Variants in KCNC2 observed in about 807,000 individuals in gnomAD.
KCNC2 encodes the protein potassium voltage-gated channel subfamily C member 2, also known as voltage-gated potassium channel KCNC2.
KCNC2 carries 21 observed loss-of-function variants against 44.5 expected under a neutral mutation model. The ratio of observed to expected loss-of-function variants is 0.47; its 90% CI spans 0.33 to 0.68. The LOEUF is 0.68. KCNC2 is among the 30% of genes least tolerant of loss of function. KCNC2 has a pLI of 0.01. For missense variants in KCNC2, 589 were observed against 826.2 expected, an observed-to-expected ratio of 0.71 and a Z score of 3.52; for synonymous variants, 391 against 339.1, an observed-to-expected ratio of 1.15 and a Z score of -1.68.
rs148308370 is a variant in KCNC2 at position 75,161,472 on chromosome 12, C to T, written c.687+45825G>A. Among the ~76,000 whole-genome samples, 21 of 151,820 alleles carry T rather than the reference C, an allele frequency of 1.4e-4. No individual in the cohort carries two copies. The East Asian group carries it at 3.3e-3, about 24-fold the overall frequency. ...TTTTAAATGAGGAATTCACTTTACC[C>T]AGCACCAGGGGCTTTTACAAAATAA... On this transcript the variant is annotated intron_variant, in intron 2 of 4. Transcript: ENST00000549446.
At chr12:75,101,788 G>A (rs1043710353) in intron 2 of KCNC2, among the ~76,000 whole-genome samples, 1 of 151,952 alleles carries the variant, frequency 6.6e-6, no homozygotes, top group Non-Finnish European at 1.5e-5. Context: ...GAACAGAAAA[G>A]GAAAACAAAA....
At chr12:75,141,949 C>A (rs1183778169) in intron 2 of KCNC2, among the ~76,000 whole-genome samples, 1 of 152,100 alleles carries the variant, frequency 6.6e-6, no homozygotes, top group Non-Finnish European at 1.5e-5. Context: ...CCTTAGTATT[C>A]ACTCATTCTG....
chr12:75,086,562 C>T (rs1592840094), intron 2 of KCNC2, among the ~76,000 whole-genome samples: 5 of 150,892 alleles, frequency 3.3e-5, no homozygotes, highest in South Asian at 2.1e-4. Context: ...GTAGTAGACA[C>T]GCTCCATGAG....
Position 75,131,123 on chromosome 12 carries a change from C to A in KCNC2, c.687+76174G>T, listed in dbSNP as rs138820566. Among the ~76,000 whole-genome samples the A allele has an allele frequency of 5.3e-5, 8 of 152,176 alleles. No individual in the cohort carries two copies. The East Asian group carries it at 1.5e-3, about 29-fold the overall frequency. On this transcript the variant is annotated intron_variant, in intron 2 of 4. Coordinates refer to ENST00000549446, the MANE Select transcript of KCNC2 (RefSeq NM_139137.4). ...AAATTTTCACATACATGCTGTAACA[C>A]GTCAGCGAAAATGCCTTAACTAATT...
At position 75,050,634 on chromosome 12, in the gene KCNC2, A is replaced by G. The variant is rs1047163033; in HGVS notation, c.1371T>C (p.Cys457=). 2 of 1,613,354 alleles carry G rather than the reference A, an allele frequency of 1.2e-6. No homozygotes were observed. The highest frequency in any genetic ancestry group is 1.7e-6 in the Non-Finnish European group (2 of 1,179,766). ...TWSGMLVGAL[C]ALAGVLTIAM... ...CTATTGTCAGCACTCCAGCCAGAGC[A>G]CACAGGGCTCCCACCAGCATGCCTG... is the stretch of plus-strand genomic sequence containing the variant. Residue 457 remains cysteine (C), a synonymous_variant, in exon 3 of 5, where the codon TGT becomes TGC. Transcript: ENST00000549446.
intron 2 of KCNC2, among the ~76,000 whole-genome samples, chr12:75,184,492 T>C (rs1384468372): frequency 6.6e-6 from 1 of 152,192 alleles, no homozygotes; most frequent in African/African-American, 2.4e-5. Flanking sequence ...TTGATTTATA[T>C]ATTTTTTTCA....
At chr12:75,050,067 C>T (rs1014463577) in intron 3 of KCNC2, among the ~76,000 whole-genome samples, 1 of 151,982 alleles carries the variant, frequency 6.6e-6, no homozygotes, top group African/African-American at 2.4e-5. Flanking sequence ...CAATATCATA[C>T]CATCACATCG....
rs553277499 is a variant in KCNC2 at position 75,072,177 on chromosome 12, G to A, written c.688-20860C>T. On this transcript the variant is annotated intron_variant, in intron 2 of 4. Coordinates refer to ENST00000549446, the MANE Select transcript of KCNC2 (RefSeq NM_139137.4). ...TCTCTTTGTCTTTCTGATGCTGCCT[G>A]TGTTGCCTGCCATTGTAGCTGTTCA... Among the ~76,000 whole-genome samples, 4 of 152,280 alleles carry A rather than the reference G, an allele frequency of 2.6e-5. No homozygotes were observed. The East Asian group carries it at 7.7e-4, about 29-fold the overall frequency.
Position 75,048,442 on chromosome 12 carries a change from A to G in KCNC2, c.1616-125T>C, listed in dbSNP as rs1171834480. The G allele has an allele frequency of 9.3e-6, 6 of 646,900 alleles. No individual in the cohort carries two copies. The South Asian group carries it at 1.5e-4, about 16-fold the overall frequency. The allele number at this position is 646,900 out of a possible 1,614,324, so 40.1% of individuals were successfully genotyped here. On this transcript the variant is annotated intron_variant, in intron 3 of 4. Transcript: ENST00000549446. ...TACAACACACAAGAATCACATCACA[A>G]TAAGAAAAAGAATTTTTATCACTCT...
At chr12:75,065,182 T>C (rs938423934) in intron 2 of KCNC2, among the ~76,000 whole-genome samples, 2 of 152,064 alleles carry the variant, frequency 1.3e-5, no homozygotes, top group Non-Finnish European at 2.9e-5. Flanking sequence ...AAATTAAATA[T>C]GATTATCAGT....
At position 75,207,948 on chromosome 12, in the gene KCNC2, G is replaced by A. The variant is rs2031844362; in HGVS notation, c.36C>T (p.Leu12=). The A allele has an allele frequency of 1.9e-6, 3 of 1,612,672 alleles. No homozygotes were observed. Among genetic ancestry groups the A allele is most frequent in the African/African-American group, 1.3e-5 (1 of 74,896 alleles). The part of the protein sequence containing the change: ...GKIENNERVI[L]NVGGTRHETY... ...TTTCGTGCCGGGTGCCCCCGACATTGAGGATCACCCTCTCGTTGTTCTCGA... is the reference window on the plus strand; with the variant it reads ...TTTCGTGCCGGGTGCCCCCGACATTAAGGATCACCCTCTCGTTGTTCTCGA... The change falls in exon 2 of 5, where the codon CTC becomes CTT. Residue 12 remains leucine, a synonymous_variant. Coordinates refer to ENST00000549446, the MANE Select transcript of KCNC2 (RefSeq NM_139137.4). This position sits in a 1 kb window ranked among gnomAD's most constrained non-coding sequence, Gnocchi z 4.1.
chr12:75,184,810 T>C (rs2137668336), intron 2 of KCNC2, among the ~76,000 whole-genome samples: 1 of 152,326 alleles, frequency 6.6e-6, no homozygotes, highest in South Asian at 2.1e-4. Context: ...ACTTATGTAC[T>C]TAAGTGCCTG....
chr12:75,104,546 T>C (rs1249054624), intron 2 of KCNC2, among the ~76,000 whole-genome samples: 3 of 152,054 alleles, frequency 2.0e-5, no homozygotes, highest in African/African-American at 7.2e-5. Flanking sequence ...ATGAGTATAT[T>C]CAAATGAGTT....
intron 2 of KCNC2, among the ~76,000 whole-genome samples, chr12:75,093,458 G>A (rs1383592790): frequency 6.6e-6 from 1 of 151,596 alleles, no homozygotes; most frequent in African/African-American, 2.4e-5. Flanking sequence ...TTGAAAATAA[G>A]AAATATTCAC....
intron 2 of KCNC2, among the ~76,000 whole-genome samples, chr12:75,064,026 G>A (rs1432728215): frequency 2.6e-5 from 4 of 151,994 alleles, no homozygotes; most frequent in African/African-American, 7.2e-5. Context: ...TTACAAAAAT[G>A]ATTTCTTAGC....
chr12:75,177,799 T>C (rs908265887), intron 2 of KCNC2, among the ~76,000 whole-genome samples: 2 of 152,088 alleles, frequency 1.3e-5, no homozygotes, highest in African/African-American at 2.4e-5. Flanking sequence ...GGATTTTTCT[T>C]GGACCAATCA....
At chr12:75,124,548 G>A (rs866663167) in intron 2 of KCNC2, among the ~76,000 whole-genome samples, 2 of 152,116 alleles carry the variant, frequency 1.3e-5, no homozygotes, top group African/African-American at 4.8e-5. Flanking sequence ...ATAAGCCATG[G>A]CACAGGTGAG....
chr12:75,160,673 T>C (rs568725887), intron 2 of KCNC2, among the ~76,000 whole-genome samples: 8 of 151,960 alleles, frequency 5.3e-5, no homozygotes, highest in African/African-American at 9.6e-5. Context: ...AATATGCTTT[T>C]CTGGTAACAA....
Position 75,141,846 on chromosome 12 carries a change from A to G in KCNC2, c.687+65451T>C, listed in dbSNP as rs78236246. ...ATCATCTAACGTCATTCAAACAATA[A>G]ACAATAGCTAACATGTATTGAGCAT... On this transcript the variant is annotated intron_variant, in intron 2 of 4. Transcript: ENST00000549446. 7.9e-4 allele frequency among the ~76,000 whole-genome samples: 120 copies of G among 152,274 alleles called. No individual in the cohort carries two copies. The East Asian group carries it at 0.02, about 25-fold the overall frequency.
Sources: gnomAD v4.1 joint callset for allele counts (sites outside exome capture counted in the v4.1 genomes callset) on GRCh38, gnomAD v4.1.1 for gene constraint, Gnocchi (gnomAD v3.1) non-coding constraint, MANE v1.5 for transcripts, NCBI Gene and HGNC (gene_info 2026-07-23, HGNC 2026-07-21) for gene names.